Variants in KCNG4 observed in about 807,000 individuals in gnomAD.
KCNG4 encodes potassium voltage-gated channel modifier subfamily G member 4.
In KCNG4, 30 loss-of-function variants were observed where a neutral mutation model predicts 28.2. That is an observed-to-expected ratio of 1.06 (90% confidence interval 0.80 to 1.44). The LOEUF is 1.44. Ranked by LOEUF, KCNG4 falls within the 40% of genes most tolerant of loss-of-function variation. KCNG4 has a pLI of 0.00. For missense variants in KCNG4, 879 were observed against 712.3 expected (o/e 1.23, Z -2.66); for synonymous variants, 375 against 315.5 (o/e 1.19, Z -2.00).
In KCNG4 at chr16:84,226,262, C is replaced by T. The variant is rs1165263869; in HGVS notation, c.757-3242G>A. ...AGGCATGATGTGGAGCAAAGCAAGC[C>T]GGGTGTGTGTTTCCACTTGTGGGAA... is the stretch of plus-strand genomic sequence containing the variant. On this transcript the variant is annotated intron_variant, in intron 2 of 2. Transcript: ENST00000308251. The surrounding 1 kb of genome is among the most constrained non-coding windows in gnomAD (Gnocchi z 4.1). Among the ~76,000 whole-genome samples the T allele has an allele frequency of 2.6e-5, 4 of 152,078 alleles. No individual in the cohort carries two copies. The highest frequency in any genetic ancestry group is 3.9e-4 in the East Asian group (2 of 5,186).
At position 84,237,280 on chromosome 16, in the gene KCNG4, C is replaced by T. The variant is rs763798092; in HGVS notation, c.206G>A (p.Arg69Lys). 2 of 1,607,808 alleles carry T rather than the reference C, an allele frequency of 1.2e-6. No homozygotes were observed. The highest frequency in any genetic ancestry group is 2.2e-5 in the East Asian group (1 of 44,782). Residue 69 changes from arginine (R) to lysine (K), a missense_variant, in exon 2 of 3, where the codon AGG becomes AAG. Transcript: ENST00000308251. ...CAGTGTGCTCCAGGGGAGGAGATAC[C>T]TCCTGCCCCCCACGTTGATCAGGAT... ...KEILINVGGR[R>K]YLLPWSTLDR...
At chr16:84,228,906 C>T in intron 2 of KCNG4, among the ~76,000 whole-genome samples, 1 of 152,260 alleles carries the variant, frequency 6.6e-6, no homozygotes. Flanking sequence ...GGTTCATGCC[C>T]TGTGGCTGAT....
At chr16:84,224,877 C>A (rs1438138230) in intron 2 of KCNG4, among the ~76,000 whole-genome samples, 1 of 152,096 alleles carries the variant, frequency 6.6e-6, no homozygotes, top group Non-Finnish European at 1.5e-5. Context: ...AGCCTTCAAG[C>A]CCCCCAGAAA....
chr16:84,222,507 T>C lies in KCNG4; in HGVS notation c.1270A>G (p.Met424Val). Residue 424 changes from methionine (M) to valine (V), a missense_variant, in exon 3 of 3, where the codon ATG becomes GTG. Coordinates refer to ENST00000308251, the MANE Select transcript of KCNG4 (RefSeq NM_172347.3). ...ISMTTVGYGD[M>V]VPRSVPGQMV... ...TGGCCTGGCACACTGCGGGGCACCA[T>C]GTCCCCGTAGCCCACCGTTGTCATG... 1 of 1,613,456 alleles carries C rather than the reference T, an allele frequency of 6.2e-7. No individual in the cohort carries two copies. The highest frequency in any genetic ancestry group is 8.5e-7 in the Non-Finnish European group (1 of 1,179,784).
At position 84,239,673 on chromosome 16, in the gene KCNG4, C is replaced by G. The variant is rs989745851; in HGVS notation, c.-44G>C. 6 of 151,838 alleles carry G rather than the reference C, an allele frequency of 4.0e-5. No individual in the cohort carries two copies. The highest frequency in any genetic ancestry group is 9.7e-5 in the African/African-American group (4 of 41,342). 9.4% of individuals were successfully genotyped at this position (151,838 alleles called of 1,614,324 possible). On this transcript the variant is annotated 5_prime_UTR_variant, in exon 1 of 3. Transcript: ENST00000308251. ...CTTCCCCTCCAGTTTAACTCACCTT[C>G]TTGTCTCAGGGAGCCAGTTTCCAGC...
intron 2 of KCNG4, among the ~76,000 whole-genome samples, chr16:84,232,004 CAAA>C (rs11298495): frequency 1.5e-4 from 15 of 100,082 alleles, no homozygotes; most frequent in African/African-American, 1.6e-4. Context: ...AACTCCATCT[CAAA>C]AAAAAAAAAA....
chr16:84,225,704 C>T (rs1310910607), intron 2 of KCNG4, among the ~76,000 whole-genome samples: 1 of 152,264 alleles, frequency 6.6e-6, no homozygotes, highest in Non-Finnish European at 1.5e-5. Flanking sequence ...GAAGGCGCTG[C>T]CAGGTCCTCC....
chr16:84,229,562 T>G (rs1904777060), intron 2 of KCNG4, among the ~76,000 whole-genome samples: 2 of 152,192 alleles, frequency 1.3e-5, no homozygotes, highest in South Asian at 2.1e-4. Flanking sequence ...TGTGCTGGTG[T>G]CCCGTCAGCA....
intron 2 of KCNG4, among the ~76,000 whole-genome samples, chr16:84,230,174 G>A (rs1425748134): frequency 1.3e-5 from 2 of 152,178 alleles, no homozygotes; most frequent in East Asian, 1.9e-4. Context: ...GGAGGCGAAG[G>A]CTAGTGGATC....
rs1020186981 is a variant in KCNG4, at chr16:84,222,849, G to A, written c.928C>T (p.Leu310=). The change falls in exon 3 of 3, where the codon CTG becomes TTG. Residue 310 remains leucine (L), a synonymous_variant. Coordinates refer to ENST00000308251, the MANE Select transcript of KCNG4 (RefSeq NM_172347.3). The stretch of plus-strand genomic sequence containing the variant: ...TCCGGGGGCTCCTCAGACACCGCCA[G>A]CGACACGTAGTATGGGGAGATGGCC... The part of the protein sequence containing the change: ...ILAISPYYVS[L]AVSEEPPEDG... 2 of 1,611,200 alleles carry A rather than the reference G, an allele frequency of 1.2e-6. No homozygotes were observed. Among genetic ancestry groups the A allele is most frequent in the South Asian group, 1.1e-5 (1 of 90,910 alleles).
At chr16:84,236,305 T>G (rs1567627292) in intron 2 of KCNG4, 1 of 238,322 alleles carries the variant, frequency 4.2e-6, no homozygotes, top group Non-Finnish European at 8.1e-6. Context: ...TGGTGTTCAG[T>G]AAACACATGT....
intron 2 of KCNG4, among the ~76,000 whole-genome samples, chr16:84,232,956 A>G (rs1439467936): frequency 6.6e-6 from 1 of 151,916 alleles, no homozygotes; most frequent in Non-Finnish European, 1.5e-5. Flanking sequence ...CAAGGAAATC[A>G]GAAATTTGTC....
chr16:84,222,678 A>C lies in KCNG4; in HGVS notation c.1099T>G (p.Cys367Gly), dbSNP rs1459563538. The change falls in exon 3 of 3, where the codon TGC becomes GGC. Residue 367 changes from cysteine to glycine, a missense_variant. Coordinates refer to ENST00000308251, the MANE Select transcript of KCNG4 (RefSeq NM_172347.3). ...AGGAGCAGGCCGAACTCACGTGTGC[A>C]ACGGCGCACGGTGAGCCCCAGCGTC... ...LQTLGLTVRR[C>G]TREFGLLLLF... The C allele has an allele frequency of 6.2e-7, 1 of 1,613,124 alleles. No homozygotes were observed.
chr16:84,228,895 C>A (rs527402284), intron 2 of KCNG4, among the ~76,000 whole-genome samples: 1 of 152,254 alleles, frequency 6.6e-6, no homozygotes, highest in Non-Finnish European at 1.5e-5. Context: ...TGCTGCCCTC[C>A]GGTTCATGCC....
chr16:84,234,975 A>G (rs888849807), intron 2 of KCNG4, among the ~76,000 whole-genome samples: 1 of 152,132 alleles, frequency 6.6e-6, no homozygotes, highest in African/African-American at 2.4e-5. Flanking sequence ...ACACACACAA[A>G]GATGCTTTCA....
chr16:84,230,280 C>T (rs1904795714), intron 2 of KCNG4, among the ~76,000 whole-genome samples: 1 of 151,986 alleles, frequency 6.6e-6, no homozygotes. Flanking sequence ...TGGTGGGCGC[C>T]TGTAGTTCCA....
Position 84,239,853 on chromosome 16 carries a change from G to A in KCNG4, c.-224C>T, listed in dbSNP as rs1404159266. Reference sequence around the variant, plus strand: ...CTTCCCGTGCCTCCTCCAGAAACCAGAAGTTCATTCATTCTGCATCTCTCT... The same window carrying A: ...CTTCCCGTGCCTCCTCCAGAAACCAAAAGTTCATTCATTCTGCATCTCTCT... On this transcript the variant is annotated 5_prime_UTR_variant, in exon 1 of 3. Coordinates refer to ENST00000308251, the MANE Select transcript of KCNG4 (RefSeq NM_172347.3). The A allele has an allele frequency of 6.6e-6, 1 of 152,000 alleles. No individual in the cohort carries two copies. The highest frequency in any genetic ancestry group is 1.5e-5 in the Non-Finnish European group (1 of 68,022). The allele number at this position is 152,000 out of a possible 1,614,324, so 9.4% of individuals were successfully genotyped here.
At position 84,230,402 on chromosome 16, in the gene KCNG4, CAAAAAAA is replaced by C. The variant is rs36051103; in HGVS notation, c.756+6321_756+6327del. ...CCTGGGTGACAGTGAGACTTCATCTCAAAAAAAAAAAAAAAAAAAAAAAGCCAGGCAT... is the reference window on the plus strand; with the variant it reads ...CCTGGGTGACAGTGAGACTTCATCTCAAAAAAAAAAAAAAAAGCCAGGCAT... On this transcript the variant is annotated intron_variant, in intron 2 of 2. Coordinates refer to ENST00000308251, the MANE Select transcript of KCNG4 (RefSeq NM_172347.3). Among the ~76,000 whole-genome samples the C allele has an allele frequency of 4.0e-3, 121 of 30,342 alleles. 6 individuals are homozygous for C. The East Asian group carries it at 0.11, about 28-fold the overall frequency. 19.9% of individuals were successfully genotyped at this position (30,342 alleles called of 152,430 possible).
chr16:84,231,458 C>T (rs753301802), intron 2 of KCNG4, among the ~76,000 whole-genome samples: 19 of 152,116 alleles, frequency 1.2e-4, no homozygotes, highest in South Asian at 4.2e-4. Flanking sequence ...CAGAGCTGCC[C>T]GGCCAGGGCT....
Sources: gnomAD v4.1 joint callset for allele counts (sites outside exome capture counted in the v4.1 genomes callset) on GRCh38, gnomAD v4.1.1 for gene constraint, Gnocchi (gnomAD v3.1) non-coding constraint, MANE v1.5 for transcripts, NCBI Gene and HGNC (gene_info 2026-07-23, HGNC 2026-07-21) for gene names.